The following ATP8B1 variants were observed in gnomAD, a reference collection of about 807,000 sequenced individuals.
ATP8B1 encodes phospholipid-transporting ATPase IC.
A neutral mutation model predicts 149.9 loss-of-function variants in ATP8B1; 80 were observed. The ratio of observed to expected loss-of-function variants is 0.53; its 90% CI spans 0.45 to 0.64. The LOEUF is 0.64. ATP8B1 is among the 30% of genes least tolerant of loss of function. The pLI, the probability that ATP8B1 is intolerant of heterozygous loss-of-function variation, is 0.00. For missense variants in ATP8B1, 1,247 were observed against 1,552.6 expected (o/e 0.80, Z 3.31); for synonymous variants, 536 against 562.8 (o/e 0.95, Z 0.67).
At chr18:57,703,420 AT>A in intron 4 of ATP8B1, among the ~76,000 whole-genome samples, 1 of 152,084 alleles carries the variant, frequency 6.6e-6, no homozygotes, top group South Asian at 2.1e-4. Context: ...AAATACAAAA[AT>A]TAGCTGGGCG....
intron 1 of ATP8B1, among the ~76,000 whole-genome samples, chr18:57,752,223 A>AATAATAATAATT (rs781007220): frequency 8.4e-6 from 1 of 119,442 alleles, no homozygotes; most frequent in Non-Finnish European, 1.7e-5. Context: ...TAATAATAAT[A>AATAATAATAATT]ATGATAATAA....
Position 57,665,566 on chromosome 18 carries a change from T to G in ATP8B1, c.2285+1526A>C, listed in dbSNP as rs553957954. 1.2e-4 allele frequency among the ~76,000 whole-genome samples: 18 copies of G among 152,212 alleles called. 1 individual carries two copies. The highest frequency in any genetic ancestry group is 4.1e-4 in the African/African-American group (17 of 41,530). On this transcript the variant is annotated intron_variant, in intron 20 of 27. Coordinates refer to ENST00000648908, the MANE Select transcript of ATP8B1 (RefSeq NM_001374385.1). ...TTTATTTGTCTGTTGCTACTTTTTT[T>G]TTTTGAGACGGAGTCTTGCTCTGTC...
intron 1 of ATP8B1, among the ~76,000 whole-genome samples, chr18:57,794,792 A>AAGAAAGAGAGAAAGAGAG (rs2080495466): frequency 6.8e-6 from 1 of 147,948 alleles, no homozygotes; most frequent in African/African-American, 2.5e-5. Context: ...CTCCGCCTCA[A>AAGAAAGAGAGAAAGAGAG]AAAGAAAGAA....
Position 57,694,629 on chromosome 18 carries a change from A to G in ATP8B1, c.982T>C (p.Phe328Leu). The G allele has an allele frequency of 6.3e-7, 1 of 1,596,098 alleles. No individual in the cohort carries two copies. Among genetic ancestry groups the G allele is most frequent in the Non-Finnish European group, 8.6e-7 (1 of 1,163,748 alleles). ...KIMKNSGKTR[F>L]KRTKIDYLMN... ...AAGTAATCAATTTTAGTTCTTTTAA[A>G]TCTGGTTTTCCCACTATTCTTCATT... Residue 328 changes from phenylalanine (F) to leucine (L), a missense_variant, in exon 11 of 28, where the codon TTT (phenylalanine) becomes CTT (leucine). Phe to Leu is a conservative substitution (Grantham distance 22). This residue lies in a region of ATP8B1 where 853 missense variants were observed against 1,035.7 expected (regional missense o/e 0.82). Transcript: ENST00000648908.
intron 13 of ATP8B1, among the ~76,000 whole-genome samples, chr18:57,687,777 T>TC (rs1297324724): frequency 4.5e-5 from 6 of 132,188 alleles, no homozygotes; most frequent in Admixed American, 1.5e-4. Context: ...CTTCTAATTT[T>TC]TTTTTTTTTT....
intron 1 of ATP8B1, among the ~76,000 whole-genome samples, chr18:57,797,703 C>CTTTTTTTTTTTT (rs59261353): frequency 9.3e-5 from 9 of 96,288 alleles, no homozygotes; most frequent in African/African-American, 1.3e-4. Context: ...TTCTTTCTTT[C>CTTTTTTTTTTTT]TTTTTTTTTT....
rs1448998765 is a variant in ATP8B1 at position 57,695,481 on chromosome 18, G to A, written c.750C>T (p.Leu250=). 6 of 1,612,970 alleles carry A rather than the reference G, an allele frequency of 3.7e-6. No homozygotes were observed. Among genetic ancestry groups the A allele is most frequent in the South Asian group, 3.3e-5 (3 of 91,062 alleles). ...ATGTAGCCAATGTATCTTCTCTTTG[G>A]AGGTACTGGTCTGTGATTTCAAGTG... ...KMSLEITDQY[L]QREDTLATFD... The change falls in exon 9 of 28, where the codon CTC becomes CTT. Residue 250 remains leucine (L), a synonymous_variant. Transcript: ENST00000648908.
At chr18:57,706,609 G>A (rs1419263511) in intron 2 of ATP8B1, 22 bp from the exon 3 acceptor site, 1 of 1,575,748 alleles carries the variant, frequency 6.3e-7, no homozygotes, top group South Asian at 1.1e-5. Context: ...AGGGAGAAAA[G>A]TTCGTAAGTA....
At chr18:57,751,932 A>G (rs967232781) in intron 1 of ATP8B1, among the ~76,000 whole-genome samples, 5 of 152,284 alleles carry the variant, frequency 3.3e-5, no homozygotes, top group African/African-American at 1.2e-4. Context: ...CAGGCAAGGC[A>G]TGGTGGCTCA....
At chr18:57,669,581 CAG>C in intron 17 of ATP8B1, 99 bp from the exon 18 acceptor site, 1 of 1,118,358 alleles carries the variant, frequency 8.9e-7, no homozygotes, top group Non-Finnish European at 1.3e-6. Context: ...AATATACTAA[CAG>C]AATTTAAAAA....
At chr18:57,669,613 G>T (rs1911106251) in intron 17 of ATP8B1, 131 bp from the exon 18 acceptor site, 2 of 888,416 alleles carry the variant, frequency 2.3e-6, no homozygotes, top group African/African-American at 3.4e-5. Flanking sequence ...AAACATGACA[G>T]ATTCTGTACA....
In ATP8B1 at chr18:57,730,812, TATATATATATATATATATATATACAC is replaced by T. The variant is rs762228978; in HGVS notation, c.181+789_181+814del. Among the ~76,000 whole-genome samples the T allele has an allele frequency of 0.023, 86 of 3,664 alleles. No homozygotes were observed. The East Asian group carries it at 0.36, about 15-fold the overall frequency. The allele number at this position is 3,664 out of a possible 152,430, so 2.4% of individuals were successfully genotyped here. A position where few individuals can be genotyped will look rare whatever the true frequency, so the allele number is the denominator to read the frequency against. ...TGGGCAGACCATATACATATATATA[TATATATATATATATATATATATACAC>T]ACACACACACACACACATACACAAG... On this transcript the variant is annotated intron_variant, in intron 2 of 27. Transcript: ENST00000648908.
At chr18:57,722,311 T>A (rs1355601533) in intron 2 of ATP8B1, among the ~76,000 whole-genome samples, 1 of 150,614 alleles carries the variant, frequency 6.6e-6, no homozygotes, top group Admixed American at 6.6e-5. Flanking sequence ...ATCCAGGAGC[T>A]GGTTTTTTGA....
At chr18:57,794,792 A>G (rs200980240) in intron 1 of ATP8B1, among the ~76,000 whole-genome samples, 6 of 147,946 alleles carry the variant, frequency 4.1e-5, no homozygotes, top group East Asian at 4.1e-4. Flanking sequence ...CTCCGCCTCA[A>G]AAAGAAAGAA....
In ATP8B1 at chr18:57,661,187, C is replaced by G. The variant is rs771192142; in HGVS notation, c.2694G>C (p.Val898=). ...TLAIGDGAND[V]NMIKTAHIGV... is the part of the protein sequence containing the mutation. ...TGCATGACTCACTTTTGATCATGTT[C>G]ACGTCATTGGCCCCATCTCCGATGG... Residue 898 remains valine (V), a synonymous_variant, in exon 22 of 28, where the codon GTG becomes GTC. Coordinates refer to ENST00000648908, the MANE Select transcript of ATP8B1 (RefSeq NM_001374385.1). 2 of 1,613,822 alleles carry G rather than the reference C, an allele frequency of 1.2e-6. No homozygotes were observed. The highest frequency in any genetic ancestry group is 1.7e-6 in the Non-Finnish European group (2 of 1,180,034).
At chr18:57,713,136 T>G (rs971081785) in intron 2 of ATP8B1, among the ~76,000 whole-genome samples, 8 of 151,910 alleles carry the variant, frequency 5.3e-5, no homozygotes, top group African/African-American at 1.7e-4. Flanking sequence ...TAAAGGGTGC[T>G]TTGTCTTGCT....
intron 2 of ATP8B1, chr18:57,708,407 A>C (rs1913524698): frequency 6.6e-6 from 1 of 152,202 alleles, no homozygotes; most frequent in African/African-American, 2.4e-5. Context: ...ACTCATAAGC[A>C]CTGTAATCAC....
intron 15 of ATP8B1, among the ~76,000 whole-genome samples, chr18:57,679,720 A>G (rs925464341): frequency 6.6e-6 from 1 of 152,152 alleles, no homozygotes; most frequent in Admixed American, 6.5e-5. Flanking sequence ...GCTGGAGCGC[A>G]GTGGCAAAAT....
At chr18:57,759,094 T>G (rs1388012046) in intron 1 of ATP8B1, among the ~76,000 whole-genome samples, 1 of 141,402 alleles carries the variant, frequency 7.1e-6, no homozygotes, top group South Asian at 2.2e-4. Context: ...AGGTGGAGGT[T>G]GCAATGAGCT....
Sources: allele counts gnomAD v4.1 joint callset (sites outside exome capture counted in the v4.1 genomes callset), GRCh38; gene constraint gnomAD v4.1.1; regional missense constraint gnomAD v4.1.1; transcripts MANE v1.5; gene names NCBI Gene and HGNC (gene_info 2026-07-23, HGNC 2026-07-21).